RASAL2: variants seen among roughly 807,000 people sequenced by gnomAD.
The protein encoded by RASAL2 is ras GTPase-activating protein nGAP.
A neutral mutation model predicts 128.9 loss-of-function variants in RASAL2; 58 were observed. That is an observed-to-expected ratio of 0.45 (90% CI 0.36 to 0.56). The LOEUF is 0.56. Ranked by LOEUF, RASAL2 falls within the 20% of genes least tolerant of loss-of-function variation. The pLI, the probability that RASAL2 is intolerant of heterozygous loss-of-function variation, is 0.00. For missense variants in RASAL2, 1,360 were observed against 1,601.6 expected (o/e 0.85, Z 2.57); for synonymous variants, 561 against 580.8 (o/e 0.97, Z 0.49).
intron 15 of RASAL2, 95 bp from the exon 16 acceptor site, chr1:178,465,811 GAAAAAAGAAAAAGA>G (rs1647614153): frequency 9.3e-7 from 1 of 1,070,266 alleles, no homozygotes; most frequent in Admixed American, 3.3e-5. Context: ...TTAAAAAAAA[GAAAAAAGAAAAAGA>G]AAAAAAGAAA....
chr1:178,143,935 T>C (rs1296113449), intron 1 of RASAL2, among the ~76,000 whole-genome samples: 3 of 152,216 alleles, frequency 2.0e-5, no homozygotes, highest in Non-Finnish European at 2.9e-5. Flanking sequence ...TAGGTGGTTA[T>C]GTCATAAGTG....
chr1:178,115,997 G>GT (rs1016541990), intron 1 of RASAL2, among the ~76,000 whole-genome samples: 7 of 152,054 alleles, frequency 4.6e-5, no homozygotes, highest in Non-Finnish European at 4.4e-5. Flanking sequence ...TTTACTGAGA[G>GT]TTTTTTCCCT....
Position 178,121,802 on chromosome 1 carries a change from A to G in RASAL2, c.202+27108A>G, listed in dbSNP as rs113113841. On this transcript the variant is annotated intron_variant, in intron 1 of 17. Transcript: ENST00000367649. The stretch of plus-strand genomic sequence containing the variant: ...TGCCCAGCCCATTTGTTGTTGTTAT[A>G]CTCTTTTCCCCCAACCCTGAACCTC... 1.5e-3 allele frequency among the ~76,000 whole-genome samples: 233 copies of G among 150,880 alleles called. 1 individual carries two copies. The highest frequency in any genetic ancestry group is 5.4e-3 in the African/African-American group (223 of 41,070).
chr1:178,236,235 C>G (rs536356046), intron 1 of RASAL2, among the ~76,000 whole-genome samples: 1 of 152,114 alleles, frequency 6.6e-6, no homozygotes, highest in South Asian at 2.1e-4. Flanking sequence ...TAGATTATGC[C>G]TAATAATCTT....
At chr1:178,404,083 G>A (rs373186694) in intron 4 of RASAL2, among the ~76,000 whole-genome samples, 7 of 151,814 alleles carry the variant, frequency 4.6e-5, no homozygotes, top group East Asian at 3.9e-4. Flanking sequence ...AAAATTAGCC[G>A]GGCATGGTGG....
intron 1 of RASAL2, among the ~76,000 whole-genome samples, chr1:178,192,887 G>A (rs901977119): frequency 1.3e-5 from 2 of 152,160 alleles, no homozygotes; most frequent in Non-Finnish European, 2.9e-5. Context: ...CCTGGGGAAA[G>A]TGAGATATCT....
rs57628750 is a variant in RASAL2 at position 178,197,611 on chromosome 1, GAAA to G, written c.203-85935_203-85933del. Among the ~76,000 whole-genome samples, 145 of 94,268 alleles carry G rather than the reference GAAA, an allele frequency of 1.5e-3. 1 individual carries two copies. The highest frequency in any genetic ancestry group is 4.6e-3 in the African/African-American group (133 of 29,048). 61.8% of individuals were successfully genotyped at this position (94,268 alleles called of 152,430 possible). On this transcript the variant is annotated intron_variant, in intron 1 of 17. Coordinates refer to ENST00000367649, the MANE Select transcript of RASAL2 (RefSeq NM_170692.4). ...GCAACAGAGCTAGACTCCATCTGGG[GAAA>G]AAAAAAAAAAAAAAAAAGTTAAACA...
At chr1:178,258,933 G>T (rs1192619347) in intron 1 of RASAL2, among the ~76,000 whole-genome samples, 1 of 151,978 alleles carries the variant, frequency 6.6e-6, no homozygotes, top group Admixed American at 6.6e-5. Context: ...GCCCTAAAAA[G>T]AATGTAGTAC....
At chr1:178,168,792 T>C (rs1449630209) in intron 1 of RASAL2, among the ~76,000 whole-genome samples, 1 of 152,110 alleles carries the variant, frequency 6.6e-6, no homozygotes, top group Non-Finnish European at 1.5e-5. Flanking sequence ...GCCACTCTTA[T>C]TCCTGTTCTT....
intron 10 of RASAL2, 98 bp from the exon 11 acceptor site, chr1:178,452,318 G>C: frequency 9.6e-7 from 1 of 1,040,150 alleles, no homozygotes; most frequent in Non-Finnish European, 1.5e-6. Context: ...CTCACAGCCT[G>C]ACTCTTAAGC....
intron 2 of RASAL2, among the ~76,000 whole-genome samples, chr1:178,289,732 C>G (rs1667191588): frequency 6.6e-6 from 1 of 152,140 alleles, no homozygotes; most frequent in Admixed American, 6.5e-5. Context: ...CATGACTTAC[C>G]ATAGGTAAGT....
chr1:178,205,097 T>C (rs1402928426), intron 1 of RASAL2, among the ~76,000 whole-genome samples: 2 of 152,154 alleles, frequency 1.3e-5, no homozygotes, highest in East Asian at 3.9e-4. Flanking sequence ...CTCCACCTCC[T>C]GCATTCAAGC....
At chr1:178,198,090 A>C (rs1662735975) in intron 1 of RASAL2, among the ~76,000 whole-genome samples, 1 of 152,208 alleles carries the variant, frequency 6.6e-6, no homozygotes, top group Non-Finnish European at 1.5e-5. Context: ...TGCTTAATCC[A>C]GTCTATCATT....
chr1:178,238,020 G>A (rs1028675427), intron 1 of RASAL2, among the ~76,000 whole-genome samples: 2 of 152,144 alleles, frequency 1.3e-5, no homozygotes, highest in Non-Finnish European at 2.9e-5. Flanking sequence ...AGCTGTACAA[G>A]CACACCACAA....
At chr1:178,319,067 G>A (rs1668626774) in intron 3 of RASAL2, among the ~76,000 whole-genome samples, 1 of 151,986 alleles carries the variant, frequency 6.6e-6, no homozygotes, top group Admixed American at 6.6e-5. Flanking sequence ...TAGTTTGGCT[G>A]GATATGAAAT....
chr1:178,371,067 A>G (rs1173215858), intron 3 of RASAL2, among the ~76,000 whole-genome samples: 7 of 151,828 alleles, frequency 4.6e-5, no homozygotes, highest in Admixed American at 4.6e-4. Context: ...ATCTCCAGAG[A>G]ACAAGGATAT....
At position 178,351,831 on chromosome 1, in the gene RASAL2, G is replaced by GA. The variant is rs1571909558; in HGVS notation, c.458-38266dup. Among the ~76,000 whole-genome samples, 3 of 151,886 alleles carry GA rather than the reference G, an allele frequency of 2.0e-5. No individual in the cohort carries two copies. In the East Asian group the frequency reaches 5.8e-4, roughly 29 times the overall value. On this transcript the variant is annotated intron_variant, in intron 3 of 17. Coordinates refer to ENST00000367649, the MANE Select transcript of RASAL2 (RefSeq NM_170692.4). ...GCGGCTACAGGCCCCATACAAGTCTGAAACCCAGCAGAGCAGCCATTAGCC... is the reference window on the plus strand; with the variant it reads ...GCGGCTACAGGCCCCATACAAGTCTGAAAACCCAGCAGAGCAGCCATTAGCC...
At chr1:178,271,937 T>C (rs1666278883) in intron 1 of RASAL2, among the ~76,000 whole-genome samples, 1 of 152,188 alleles carries the variant, frequency 6.6e-6, no homozygotes, top group Non-Finnish European at 1.5e-5. Flanking sequence ...CCTCAAGGGC[T>C]TTTACATCTG....
At chr1:178,336,014 A>G (rs1669569529) in intron 3 of RASAL2, among the ~76,000 whole-genome samples, 1 of 152,066 alleles carries the variant, frequency 6.6e-6, no homozygotes, top group Admixed American at 6.6e-5. Flanking sequence ...GAGCCAGCTA[A>G]AGCATGAATT....
Sources: allele counts gnomAD v4.1 joint callset (sites outside exome capture counted in the v4.1 genomes callset), GRCh38; gene constraint gnomAD v4.1.1; transcripts MANE v1.5; gene names NCBI Gene and HGNC (gene_info 2026-07-23, HGNC 2026-07-21).